The following FHIT variants were observed in gnomAD, a reference collection of about 807,000 sequenced individuals.
FHIT encodes the protein fragile histidine triad diadenosine triphosphatase.
A neutral mutation model predicts 17.9 loss-of-function variants in FHIT; 19 were observed. The ratio of observed to expected loss-of-function variants is 1.06; its 90% CI spans 0.74 to 1.56. The LOEUF is 1.56. FHIT is among the 40% of genes most tolerant of loss of function. FHIT has a pLI of 0.00. For synonymous variants in FHIT, 81 were observed against 69.7 expected (o/e 1.16, Z -0.81); for missense variants, 248 against 189.2 (o/e 1.31, Z -1.82).
chr3:60,805,616 C>T (rs891577999), intron 4 of FHIT, among the ~76,000 whole-genome samples: 9 of 152,066 alleles, frequency 5.9e-5, no homozygotes, highest in East Asian at 3.9e-4. Context: ...AGTGCAGTGG[C>T]GCAATCTCGG....
chr3:60,163,906 C>T (rs576432013), intron 5 of FHIT, among the ~76,000 whole-genome samples: 3 of 152,220 alleles, frequency 2.0e-5, no homozygotes, highest in African/African-American at 7.2e-5. Context: ...AGCACTGGCT[C>T]CAGAGCACAG....
chr3:59,947,955 C>T (rs1249900952), intron 7 of FHIT, among the ~76,000 whole-genome samples: 1 of 152,148 alleles, frequency 6.6e-6, no homozygotes, highest in Non-Finnish European at 1.5e-5. Context: ...GAGATCCATA[C>T]AAGCTGTTTT....
At chr3:60,389,125 T>C (rs1701125975) in intron 5 of FHIT, among the ~76,000 whole-genome samples, 1 of 152,216 alleles carries the variant, frequency 6.6e-6, no homozygotes, top group Non-Finnish European at 1.5e-5. Context: ...TGGTTTTCCA[T>C]ATAAGTGGTT....
At chr3:61,213,770 A>G (rs1026406301) in intron 1 of FHIT, among the ~76,000 whole-genome samples, 2 of 152,350 alleles carry the variant, frequency 1.3e-5, no homozygotes, top group South Asian at 2.1e-4. Context: ...AGCTCTCCTG[A>G]GCAAATGTAA....
intron 3 of FHIT, among the ~76,000 whole-genome samples, chr3:60,879,719 A>G (rs1704865210): frequency 6.6e-6 from 1 of 151,920 alleles, no homozygotes; most frequent in Non-Finnish European, 1.5e-5. Flanking sequence ...AGAGATAGAT[A>G]TTATAAAAAA....
intron 5 of FHIT, among the ~76,000 whole-genome samples, chr3:60,112,929 C>T (rs1160743069): frequency 6.6e-6 from 1 of 152,164 alleles, no homozygotes; most frequent in Admixed American, 6.5e-5. Flanking sequence ...GACTCACAGT[C>T]GAATACCACT....
chr3:60,100,616 G>C lies in FHIT; in HGVS notation c.104-86464C>G, dbSNP rs965578600. ...CCATCATTCCAGAAACCCCTCTCTGGTCTTGTATCAAAAACACCACAAATC... is the reference window on the plus strand; with the variant it reads ...CCATCATTCCAGAAACCCCTCTCTGCTCTTGTATCAAAAACACCACAAATC... On this transcript the variant is annotated intron_variant, in intron 5 of 9. Transcript: ENST00000492590. 5.9e-5 allele frequency among the ~76,000 whole-genome samples: 9 copies of C among 152,058 alleles called. 1 individual carries two copies.
At chr3:61,161,412 C>T (rs1181620234) in intron 2 of FHIT, among the ~76,000 whole-genome samples, 2 of 152,076 alleles carry the variant, frequency 1.3e-5, no homozygotes, top group African/African-American at 4.8e-5. Flanking sequence ...CCATGTTAGC[C>T]AGGATGGTCT....
In FHIT at chr3:59,913,849, G is replaced by T. The variant is rs147274525; in HGVS notation, c.348+8497C>A. Among the ~76,000 whole-genome samples the T allele has an allele frequency of 7.6e-4, 116 of 152,248 alleles. 1 individual carries two copies. In the East Asian group the frequency reaches 0.019, roughly 24 times the overall value. ...CAATAAACCACTATGTTGACTCAAGGTGGAGAGAATTTAGAGCTACACAGG... is the reference window on the plus strand; with the variant it reads ...CAATAAACCACTATGTTGACTCAAGTTGGAGAGAATTTAGAGCTACACAGG... On this transcript the variant is annotated intron_variant, in intron 8 of 9. Coordinates refer to ENST00000492590, the MANE Select transcript of FHIT (RefSeq NM_002012.4).
intron 7 of FHIT, among the ~76,000 whole-genome samples, chr3:59,950,996 T>G (rs921000558): frequency 1.3e-5 from 2 of 152,208 alleles, no homozygotes; most frequent in African/African-American, 4.8e-5. Flanking sequence ...GTAACAACAA[T>G]GGCAGCAGGA....
chr3:59,993,847 T>A (rs563631471), intron 7 of FHIT, among the ~76,000 whole-genome samples: 1 of 152,036 alleles, frequency 6.6e-6, no homozygotes, highest in Non-Finnish European at 1.5e-5. Context: ...ATCTTTAACA[T>A]GGGGATAAAA....
At chr3:60,662,884 G>C (rs1390021521) in intron 4 of FHIT, among the ~76,000 whole-genome samples, 1 of 151,558 alleles carries the variant, frequency 6.6e-6, no homozygotes, top group Non-Finnish European at 1.5e-5. Flanking sequence ...TTAATTCTAT[G>C]ATCCACTTTG....
At chr3:60,503,669 GAAGTT>G (rs1378839906) in intron 5 of FHIT, among the ~76,000 whole-genome samples, 1 of 152,072 alleles carries the variant, frequency 6.6e-6, no homozygotes, top group Non-Finnish European at 1.5e-5. Context: ...CACTGAAAAT[GAAGTT>G]AATGAATAAG....
chr3:60,561,936 GAAAGAGAGAAAC>G (rs1559541509), intron 4 of FHIT, among the ~76,000 whole-genome samples: 9 of 146,316 alleles, frequency 6.2e-5, no homozygotes, highest in Non-Finnish European at 1.3e-4. Flanking sequence ...AAGAAAAAGA[GAAAGAGAGAAAC>G]AGAGAGAGAG....
intron 4 of FHIT, among the ~76,000 whole-genome samples, chr3:60,638,436 C>A (rs929490731): frequency 6.6e-6 from 1 of 152,114 alleles, no homozygotes; most frequent in Non-Finnish European, 1.5e-5. Context: ...TAGGATCAAT[C>A]CTAACTTAAC....
At chr3:61,000,119 G>A (rs1480480621) in intron 3 of FHIT, among the ~76,000 whole-genome samples, 1 of 152,164 alleles carries the variant, frequency 6.6e-6, no homozygotes, top group Non-Finnish European at 1.5e-5. Flanking sequence ...CTGAGTGAGG[G>A]TGAGAAGGGA....
chr3:61,006,048 C>T (rs1465954228), intron 3 of FHIT, among the ~76,000 whole-genome samples: 1 of 151,500 alleles, frequency 6.6e-6, no homozygotes, highest in African/African-American at 2.4e-5. Flanking sequence ...GCAGGAAGAG[C>T]AGTTACCACC....
chr3:60,758,088 G>A (rs927637792), intron 4 of FHIT, among the ~76,000 whole-genome samples: 5 of 152,152 alleles, frequency 3.3e-5, no homozygotes, highest in Admixed American at 2.6e-4. Flanking sequence ...TAGTCCCTCA[G>A]CACCCTGTCA....
At chr3:61,234,662 T>A (rs2040186805) in intron 1 of FHIT, among the ~76,000 whole-genome samples, 1 of 152,188 alleles carries the variant, frequency 6.6e-6, no homozygotes, top group African/African-American at 2.4e-5. Flanking sequence ...ATTTCTATAT[T>A]TTTTTAAATC....
Sources: allele counts gnomAD v4.1 joint callset (sites outside exome capture counted in the v4.1 genomes callset), GRCh38; gene constraint gnomAD v4.1.1; transcripts MANE v1.5; gene names NCBI Gene and HGNC (gene_info 2026-07-23, HGNC 2026-07-21).